The following FRYL variants were observed in gnomAD, a reference collection of about 807,000 sequenced individuals.
FRYL encodes the protein protein furry homolog-like.
In FRYL, 150 loss-of-function variants were observed where a neutral mutation model predicts 351.2. The observed-to-expected ratio is 0.43, with a 90% CI of 0.37 to 0.49. FRYL has a LOEUF of 0.49. Among genes scored for constraint, FRYL ranks in the 20% least tolerant of loss-of-function variants. FRYL has a pLI of 0.00. For synonymous variants in FRYL, 1,153 were observed against 1,257.1 expected, an observed-to-expected ratio of 0.92 and a Z score of 1.75; for missense variants, 3,036 against 3,619.3, an observed-to-expected ratio of 0.84 and a Z score of 4.13.
chr4:48,500,059 T>C lies in FRYL; in HGVS notation c.8754A>G (p.Ile2918Met), dbSNP rs758794120. 3.8e-6 allele frequency: 6 copies of C among 1,597,268 alleles called. No homozygotes were observed. Among genetic ancestry groups the C allele is most frequent in the Non-Finnish European group, 5.1e-6 (6 of 1,175,344 alleles). The part of the protein sequence containing the change: ...LIETLKNKEF[I>M]SAVAQVKAFR... ...AAGCTTTGACTTGTGCTACAGCTGA[T>C]ATAAATTCTTTATTTTTCAAAGTTT... The change falls in exon 63 of 64, where the codon ATA (isoleucine) becomes ATG (methionine). Residue 2918 changes from isoleucine (I) to methionine (M), a missense_variant. Transcript: ENST00000358350.
At chr4:48,602,908 T>G (rs1488167889) in intron 12 of FRYL, among the ~76,000 whole-genome samples, 2 of 152,198 alleles carry the variant, frequency 1.3e-5, no homozygotes, top group Non-Finnish European at 2.9e-5. Context: ...AGGTTTGTAG[T>G]CTGGGAGCAA....
At chr4:48,636,664 G>A (rs1267770162) in intron 3 of FRYL, among the ~76,000 whole-genome samples, 2 of 151,696 alleles carry the variant, frequency 1.3e-5, no homozygotes, top group East Asian at 3.9e-4. Flanking sequence ...AAAAGTTTTA[G>A]GCAAACCTTT....
intron 4 of FRYL, among the ~76,000 whole-genome samples, chr4:48,632,409 T>C (rs1050146283): frequency 4.7e-5 from 7 of 150,376 alleles, no homozygotes; most frequent in African/African-American, 1.7e-4. Context: ...TGTAGTAATT[T>C]ATCATGTAAT....
chr4:48,634,373 C>T lies in FRYL; in HGVS notation c.38G>A (p.Gly13Asp). The T allele has an allele frequency of 6.2e-7, 1 of 1,613,402 alleles. No homozygotes were observed. The highest frequency in any genetic ancestry group is 8.5e-7 in the Non-Finnish European group (1 of 1,179,480). Residue 13 changes from glycine to aspartate, a missense_variant, in exon 4 of 64, where the codon GGT becomes GAT. Physicochemically the swap from Gly to Asp is moderately conservative, Grantham distance 94. Transcript: ENST00000358350. ...NITIDPDVKP[G>D]EYVIKSLFAE... is the part of the protein sequence containing the mutation. ...AAAGAGGCTCTTGATGACATATTCA[C>T]CAGGTTTGACATCTGGGTCAATCGT...
At chr4:48,631,313 T>C (rs79383638) in intron 4 of FRYL, among the ~76,000 whole-genome samples, 4 of 152,204 alleles carry the variant, frequency 2.6e-5, no homozygotes, top group Non-Finnish European at 5.9e-5. Flanking sequence ...ATCATAATTT[T>C]ATAATCTCAG....
chr4:48,589,939 T>C (rs936927666), intron 17 of FRYL, 62 bp from the exon 18 acceptor site: 4 of 1,398,632 alleles, frequency 2.9e-6, no homozygotes, highest in African/African-American at 1.4e-5. Context: ...ACTTACTTTC[T>C]GTAATAAAAG....
chr4:48,696,339 G>A (rs1306739902), intron 2 of FRYL, among the ~76,000 whole-genome samples: 10 of 152,088 alleles, frequency 6.6e-5, no homozygotes, highest in African/African-American at 1.9e-4. Context: ...ATGGAATACC[G>A]TGCAGCCATA....
intron 27 of FRYL, among the ~76,000 whole-genome samples, chr4:48,569,330 G>A (rs745438587): frequency 5.3e-5 from 8 of 152,094 alleles, no homozygotes; most frequent in Non-Finnish European, 8.8e-5. Context: ...TTTTGAGGCG[G>A]AGTTTCACTC....
chr4:48,544,655 T>C (rs1730949334), intron 43 of FRYL, 128 bp downstream of exon 43: 2 of 665,344 alleles, frequency 3.0e-6, no homozygotes, highest in Non-Finnish European at 4.7e-6. Flanking sequence ...TCTGTTATCA[T>C]TAATAAATTA....
intron 3 of FRYL, chr4:48,653,773 T>C (rs756288951): frequency 2.3e-6 from 3 of 1,291,072 alleles, no homozygotes; most frequent in African/African-American, 3.0e-5. Context: ...CACAGAATCC[T>C]GTAGACTCAA....
At position 48,757,654 on chromosome 4, in the gene FRYL, G is replaced by A. The variant is rs1372521027; in HGVS notation, c.-384+22424C>T. On this transcript the variant is annotated intron_variant, in intron 1 of 63. Coordinates refer to ENST00000358350, the MANE Select transcript of FRYL (RefSeq NM_015030.2). ...TAGGAAGAATCAATATCGTGAAAAT[G>A]GCCATACTGCCCAAGGTAATTTATA... is the stretch of plus-strand genomic sequence containing the variant. Among the ~76,000 whole-genome samples, 20 of 152,254 alleles carry A rather than the reference G, an allele frequency of 1.3e-4. No homozygotes were observed. The East Asian group carries it at 3.9e-3, about 29-fold the overall frequency.
chr4:48,771,615 C>T (rs1775514358), intron 1 of FRYL, among the ~76,000 whole-genome samples: 2 of 152,162 alleles, frequency 1.3e-5, no homozygotes, highest in African/African-American at 4.8e-5. Flanking sequence ...GTAGCATCTA[C>T]CATCCTGTTA....
intron 20 of FRYL, 149 bp downstream of exon 20, chr4:48,582,347 GA>G: frequency 1.6e-6 from 1 of 613,180 alleles, no homozygotes; most frequent in Admixed American, 2.9e-5. Flanking sequence ...GGAACTATGG[GA>G]AAGTTCAGTT....
At chr4:48,663,636 G>A (rs1447191230) in intron 3 of FRYL, among the ~76,000 whole-genome samples, 5 of 151,372 alleles carry the variant, frequency 3.3e-5, no homozygotes, top group Non-Finnish European at 7.4e-5. Flanking sequence ...TTAGCCGGGC[G>A]TGGTAGCGGG....
rs57872533 is a variant in FRYL at position 48,761,007 on chromosome 4, C to CTGTGTGTGTGTGTG, written c.-384+19057_-384+19070dup. Among the ~76,000 whole-genome samples, 128 of 134,508 alleles carry CTGTGTGTGTGTGTG rather than the reference C, an allele frequency of 9.5e-4. 3 individuals carry two copies. The highest frequency in any genetic ancestry group is 8.4e-4 in the African/African-American group (28 of 33,154). 88.2% of individuals were successfully genotyped at this position (134,508 alleles called of 152,430 possible). A position where few individuals can be genotyped will look rare whatever the true frequency, so the allele number is the denominator to read the frequency against. On this transcript the variant is annotated intron_variant, in intron 1 of 63. Transcript: ENST00000358350. Reference sequence around the variant, plus strand: ...TCGCTACTCTCTATTATTACTCTGTCTGTGTGTGTGTGTGTGTGTGTGTGT... The same window carrying CTGTGTGTGTGTGTG: ...TCGCTACTCTCTATTATTACTCTGTCTGTGTGTGTGTGTGTGTGTGTGTGTGTGTGTGTGTGTGT...
chr4:48,546,470 A>T, intron 41 of FRYL, 199 bp from the exon 42 acceptor site: 1 of 582,936 alleles, frequency 1.7e-6, no homozygotes, highest in Non-Finnish European at 3.1e-6. Context: ...ACATTGTTTC[A>T]CAGCTTGAAA....
chr4:48,590,849 C>T lies in FRYL; in HGVS notation c.1336-19G>A, dbSNP rs754208269. 6 of 1,578,566 alleles carry T rather than the reference C, an allele frequency of 3.8e-6. No homozygotes were observed. In the African/African-American group the frequency reaches 6.8e-5, roughly 18 times the overall value. On this transcript the variant is annotated intron_variant, in intron 16 of 63. Coordinates refer to ENST00000358350, the MANE Select transcript of FRYL (RefSeq NM_015030.2). ...TCATTCTCTTCAAAGGAAAAAAATG[C>T]AAAAGGAAGAGATGAGTATCATAAA... is the stretch of plus-strand genomic sequence containing the variant.
chr4:48,573,883 T>C (rs1244409438), intron 25 of FRYL, among the ~76,000 whole-genome samples: 3 of 152,174 alleles, frequency 2.0e-5, no homozygotes, highest in Admixed American at 6.5e-5. Flanking sequence ...CATAGTTAAT[T>C]TTATATGCCA....
At position 48,553,360 on chromosome 4, in the gene FRYL, T is replaced by C; in HGVS notation, c.4290A>G (p.Leu1430=). ...GCAACTGCATTGTTTTATCTCTACC[T>C]AAATATACAATGACCTTCTTCACCT... ...LPYVKKVIVY[L]GRDKTMQLLE... Residue 1430 remains leucine (L), a synonymous_variant, in exon 36 of 64, where the codon TTA becomes TTG. Transcript: ENST00000358350. 6.2e-7 allele frequency: 1 copy of C among 1,611,472 alleles called. No homozygotes were observed.
Sources: allele counts gnomAD v4.1 joint callset (sites outside exome capture counted in the v4.1 genomes callset), GRCh38; gene constraint gnomAD v4.1.1; transcripts MANE v1.5; gene names NCBI Gene and HGNC (gene_info 2026-07-23, HGNC 2026-07-21).